Variants in MAN1A2 observed in about 807,000 individuals in gnomAD.
MAN1A2 encodes the protein mannosyl-oligosaccharide 1,2-alpha-mannosidase IB.
A neutral mutation model predicts 75.7 loss-of-function variants in MAN1A2; 26 were observed. The ratio of observed to expected loss-of-function variants is 0.34; its 90% CI spans 0.25 to 0.48. The LOEUF (loss-of-function observed/expected upper bound fraction) is 0.48, where lower values mean the gene tolerates loss of function less well. Among genes scored for constraint, MAN1A2 ranks in the 20% least tolerant of loss-of-function variants. The pLI is 0.99. For synonymous variants in MAN1A2, 247 were observed against 264.6 expected, an observed-to-expected ratio of 0.93 and a Z score of 0.65; for missense variants, 562 against 775.5, an observed-to-expected ratio of 0.72 and a Z score of 3.27.
At chr1:117,406,420 T>G (rs2101760048) in intron 3 of MAN1A2, among the ~76,000 whole-genome samples, 1 of 152,298 alleles carries the variant, frequency 6.6e-6, no homozygotes, top group East Asian at 1.9e-4. Context: ...TTATATGCAA[T>G]CTGATTTTAT....
intron 6 of MAN1A2, among the ~76,000 whole-genome samples, chr1:117,458,444 C>T (rs575266077): frequency 7.1e-6 from 1 of 140,888 alleles, no homozygotes; most frequent in Admixed American, 7.1e-5. Context: ...TAAAATATAA[C>T]ATATTGAATT....
rs1653902595 is a variant in MAN1A2 at position 117,396,296 on chromosome 1, C to G, written c.303-5890C>G. Among the ~76,000 whole-genome samples the G allele has an allele frequency of 2.6e-5, 4 of 152,306 alleles. No homozygotes were observed. In the South Asian group the frequency reaches 6.2e-4, roughly 24 times the overall value. Reference sequence around the variant, plus strand: ...GCACCCATAATAAACAAGCACACTTCTATCAACTATGACACATTACCTCCC... The same window carrying G: ...GCACCCATAATAAACAAGCACACTTGTATCAACTATGACACATTACCTCCC... On this transcript the variant is annotated intron_variant, in intron 1 of 12. Transcript: ENST00000356554.
At chr1:117,514,274 A>G (rs1199252761) in intron 12 of MAN1A2, among the ~76,000 whole-genome samples, 1 of 151,838 alleles carries the variant, frequency 6.6e-6, no homozygotes, top group Non-Finnish European at 1.5e-5. Context: ...GAGACAGGAG[A>G]ATCACTTGAA....
intron 6 of MAN1A2, among the ~76,000 whole-genome samples, chr1:117,445,882 GTGTATA>G (rs1459591553): frequency 1.5e-5 from 2 of 134,864 alleles, no homozygotes; most frequent in African/African-American, 5.3e-5. Flanking sequence ...GTCTGTGTGT[GTGTATA>G]TATATATATA....
intron 1 of MAN1A2, among the ~76,000 whole-genome samples, chr1:117,379,405 C>T (rs1424749374): frequency 3.9e-5 from 6 of 152,078 alleles, no homozygotes; most frequent in Non-Finnish European, 8.8e-5. Flanking sequence ...AGTGTGGGCT[C>T]TTCTACCTTG....
chr1:117,439,844 T>C, intron 5 of MAN1A2, among the ~76,000 whole-genome samples: 1 of 152,170 alleles, frequency 6.6e-6, no homozygotes, highest in East Asian at 1.9e-4. Flanking sequence ...CAAGATATCA[T>C]GAAAAAGCCA....
At chr1:117,404,131 G>T (rs1185316942) in intron 2 of MAN1A2, among the ~76,000 whole-genome samples, 1 of 152,062 alleles carries the variant, frequency 6.6e-6, no homozygotes, top group Non-Finnish European at 1.5e-5. Flanking sequence ...CTTTGTCGTG[G>T]TATGGTATCT....
Position 117,404,535 on chromosome 1 carries a change from T to G in MAN1A2, c.559-1014T>G, listed in dbSNP as rs575893161. Among the ~76,000 whole-genome samples the G allele has an allele frequency of 4.6e-5, 7 of 152,288 alleles. No homozygotes were observed. In the South Asian group the frequency reaches 1.0e-3, roughly 23 times the overall value. ...ATCTGTCTCTCTTTCCTTTTGCTAG[T>G]TTCTCCATGCTGGCAGAGAGCCATT... On this transcript the variant is annotated intron_variant, in intron 2 of 12. Transcript: ENST00000356554.
In MAN1A2 at chr1:117,368,245, C is replaced by T. The variant is rs776528011; in HGVS notation, c.62C>T (p.Pro21Leu). 20 of 1,613,974 alleles carry T rather than the reference C, an allele frequency of 1.2e-5. No individual in the cohort carries two copies. The highest frequency in any genetic ancestry group is 5.0e-5 in the Admixed American group (3 of 60,002). Residue 21 changes from proline to leucine, a missense_variant, in exon 1 of 13, where the codon CCG becomes CTG. Coordinates refer to ENST00000356554, the MANE Select transcript of MAN1A2 (RefSeq NM_006699.5). The part of the protein sequence containing the change: ...GRRIPPLNLG[P>L]PSFPHHRATL... ...AGGATACCACCTCTGAACCTGGGGC[C>T]GCCTTCCTTCCCACATCACAGGGCT...
chr1:117,474,979 A>C (rs573512320), intron 8 of MAN1A2, among the ~76,000 whole-genome samples: 1 of 151,960 alleles, frequency 6.6e-6, no homozygotes, highest in African/African-American at 2.4e-5. Flanking sequence ...TTCTTTCAGC[A>C]TAATTATTTT....
chr1:117,434,740 G>T (rs1043787510), intron 5 of MAN1A2, among the ~76,000 whole-genome samples: 1 of 142,214 alleles, frequency 7.0e-6, no homozygotes, highest in African/African-American at 2.7e-5. Context: ...CCAGTAGTTG[G>T]TTACAGCTGT....
At chr1:117,496,217 A>G (rs181809890) in intron 9 of MAN1A2, among the ~76,000 whole-genome samples, 2 of 152,144 alleles carry the variant, frequency 1.3e-5, no homozygotes, top group South Asian at 2.1e-4. Context: ...ATACTTTTCC[A>G]TAGAAATACC....
intron 8 of MAN1A2, among the ~76,000 whole-genome samples, chr1:117,492,921 A>G (rs1242413858): frequency 5.9e-5 from 9 of 152,110 alleles, no homozygotes; most frequent in Non-Finnish European, 1.0e-4. Flanking sequence ...GAAGCACCAC[A>G]TCCAGAGAAA....
intron 8 of MAN1A2, among the ~76,000 whole-genome samples, chr1:117,471,404 T>C (rs1413253545): frequency 6.6e-6 from 1 of 151,954 alleles, no homozygotes; most frequent in Non-Finnish European, 1.5e-5. Context: ...GTTAGAAACC[T>C]GCCATTAACT....
chr1:117,430,815 G>A (rs1327454086), intron 5 of MAN1A2, among the ~76,000 whole-genome samples: 18 of 68,230 alleles, frequency 2.6e-4, no homozygotes, highest in East Asian at 8.5e-4. Flanking sequence ...GGTGGCGGCC[G>A]GGCAGAGGCT....
chr1:117,522,855 C>T lies in MAN1A2; in HGVS notation c.1824C>T (p.Asp608=), dbSNP rs752925702. Residue 608 remains aspartate, a synonymous_variant, in exon 13 of 13, where the codon GAC becomes GAT. Coordinates refer to ENST00000356554, the MANE Select transcript of MAN1A2 (RefSeq NM_006699.5). ...TGTATCTGCTGTTCTCCGGTGATGA[C>T]CTTTTACCTTTAGACCACTGGGTGT... The part of the protein sequence containing the change: ...KYLYLLFSGD[D]LLPLDHWVFN... 3 of 1,611,468 alleles carry T rather than the reference C, an allele frequency of 1.9e-6. No homozygotes were observed. The highest frequency in any genetic ancestry group is 3.3e-5 in the Admixed American group (2 of 59,782).
chr1:117,492,612 A>G (rs948839633), intron 8 of MAN1A2, among the ~76,000 whole-genome samples: 3 of 152,054 alleles, frequency 2.0e-5, no homozygotes, highest in African/African-American at 7.2e-5. Context: ...GAGCAAGTCA[A>G]CAGCTACTTA....
At chr1:117,397,645 CTTTT>C (rs34594031) in intron 1 of MAN1A2, among the ~76,000 whole-genome samples, 3 of 105,874 alleles carry the variant, frequency 2.8e-5, no homozygotes, top group African/African-American at 3.8e-5. Context: ...TTATAACCCC[CTTTT>C]TTTTTTTTTT....
chr1:117,397,972 T>G (rs552879095), intron 1 of MAN1A2, among the ~76,000 whole-genome samples: 40 of 152,236 alleles, frequency 2.6e-4, no homozygotes, highest in Non-Finnish European at 5.6e-4. Flanking sequence ...TTTGACTGTT[T>G]GTAGCCTCAT....
Sources: gnomAD v4.1 joint callset for allele counts (sites outside exome capture counted in the v4.1 genomes callset) on GRCh38, gnomAD v4.1.1 for gene constraint, MANE v1.5 for transcripts, NCBI Gene and HGNC (gene_info 2026-07-23, HGNC 2026-07-21) for gene names.